BICDL1: variants seen among roughly 807,000 people sequenced by gnomAD.
The protein encoded by BICDL1 is BICD family like cargo adaptor 1, also known as BICD family-like cargo adapter 1.
BICDL1 carries 20 observed loss-of-function variants against 76.8 expected under a neutral mutation model. That is an observed-to-expected ratio of 0.26 (90% CI 0.18 to 0.38). The LOEUF is 0.38. Among genes scored for constraint, BICDL1 ranks in the 10% least tolerant of loss-of-function variants. The probability of loss-of-function intolerance (pLI) is 1.00; values close to 1 mark genes in which losing one functional copy is unlikely to be tolerated. For synonymous variants in BICDL1, 383 were observed against 337.1 expected (o/e 1.14, Z -1.49); for missense variants, 700 against 798.6 (o/e 0.88, Z 1.49).
chr12:120,087,338 G>A (rs550755571), intron 8 of BICDL1, among the ~76,000 whole-genome samples: 1 of 152,376 alleles, frequency 6.6e-6, no homozygotes, highest in Non-Finnish European at 1.5e-5. Flanking sequence ...GAAGGCAGGC[G>A]GGCCGGCGGG....
chr12:120,046,470 C>T (rs994464456), intron 2 of BICDL1, among the ~76,000 whole-genome samples: 1 of 152,218 alleles, frequency 6.6e-6, no homozygotes, highest in Admixed American at 6.5e-5. Flanking sequence ...GTTCCAAACA[C>T]TTTACATATA....
chr12:120,057,008 C>T (rs960727249), intron 2 of BICDL1: 3 of 499,016 alleles, frequency 6.0e-6, no homozygotes, highest in African/African-American at 5.8e-5. Context: ...GGTCCTCTCG[C>T]CCACGCAGGT....
Position 120,019,242 on chromosome 12 carries a change from C to T in BICDL1, c.645+20506C>T, listed in dbSNP as rs964869753. 10 of 151,934 alleles carry T rather than the reference C, an allele frequency of 6.6e-5. 1 individual carries two copies. In the East Asian group the frequency reaches 1.9e-3, roughly 29 times the overall value. 9.4% of individuals were successfully genotyped at this position (151,934 alleles called of 1,614,324 possible). A position where few individuals can be genotyped will look rare whatever the true frequency, so the allele number is the denominator to read the frequency against. The stretch of plus-strand genomic sequence containing the variant: ...AGTTACTGCACTCCAACCTGGGCAT[C>T]ATAGTGAGACTCTGTCTCTTAAAAA... On this transcript the variant is annotated intron_variant, in intron 2 of 9. Coordinates refer to ENST00000548673, the MANE Select transcript of BICDL1 (RefSeq NM_001367886.1).
chr12:119,990,861 A>G (rs1951506625), intron 1 of BICDL1, among the ~76,000 whole-genome samples: 1 of 152,248 alleles, frequency 6.6e-6, no homozygotes, highest in Admixed American at 6.5e-5. Context: ...CCAGGGCTCA[A>G]CATGTGACCG....
chr12:119,991,026 C>T (rs1008532324), intron 1 of BICDL1, among the ~76,000 whole-genome samples: 2 of 152,152 alleles, frequency 1.3e-5, no homozygotes, highest in African/African-American at 2.4e-5. Flanking sequence ...TTAAGGTATC[C>T]GTAATATTTC....
intron 8 of BICDL1, among the ~76,000 whole-genome samples, chr12:120,086,491 G>T (rs1399962581): frequency 1.3e-5 from 2 of 152,138 alleles, no homozygotes; most frequent in Non-Finnish European, 2.9e-5. Flanking sequence ...CACGGGGTGG[G>T]GTCAGTTGGG....
At chr12:120,034,654 C>T (rs914428270) in intron 2 of BICDL1, among the ~76,000 whole-genome samples, 1 of 152,216 alleles carries the variant, frequency 6.6e-6, no homozygotes, top group Non-Finnish European at 1.5e-5. Context: ...GTTCTCTGCT[C>T]AGAGTCTCAC....
chr12:120,000,995 A>C (rs1951748422), intron 2 of BICDL1, among the ~76,000 whole-genome samples: 1 of 152,180 alleles, frequency 6.6e-6, no homozygotes, highest in African/African-American at 2.4e-5. Context: ...TGCTCCTAAA[A>C]GAACGTAGGA....
chr12:120,062,122 C>T (rs1953118443), intron 3 of BICDL1, among the ~76,000 whole-genome samples: 1 of 152,178 alleles, frequency 6.6e-6, no homozygotes, highest in Non-Finnish European at 1.5e-5. Context: ...GGCATCTCGC[C>T]TTTCTCTATT....
chr12:120,043,271 C>T (rs1215813493), intron 2 of BICDL1, among the ~76,000 whole-genome samples: 1 of 152,222 alleles, frequency 6.6e-6, no homozygotes, highest in Non-Finnish European at 1.5e-5. Context: ...AACAGAAGAG[C>T]TTGTCTTCCA....
At chr12:120,059,733 C>A (rs1953062617) in intron 2 of BICDL1, among the ~76,000 whole-genome samples, 1 of 151,640 alleles carries the variant, frequency 6.6e-6, no homozygotes, top group African/African-American at 2.4e-5. Context: ...TTGAGACAGG[C>A]TTTCACACTC....
intron 2 of BICDL1, among the ~76,000 whole-genome samples, chr12:120,004,032 A>G (rs552415771): frequency 2.0e-5 from 3 of 152,330 alleles, no homozygotes; most frequent in Non-Finnish European, 2.9e-5. Flanking sequence ...GGAGGCAGCC[A>G]GAGGTTCTCA....
chr12:120,001,917 A>G (rs1240577939), intron 2 of BICDL1, among the ~76,000 whole-genome samples: 6 of 152,128 alleles, frequency 3.9e-5, no homozygotes, highest in Admixed American at 2.0e-4. Flanking sequence ...CTCCATGTGT[A>G]GTGGTGCATG....
Position 120,093,154 on chromosome 12 carries a change from AAATT to A in BICDL1, c.1860_1863del (p.Lys620AsnfsTer40), listed in dbSNP as rs1380775887. ...AAACGACTCTTCTCATTCTTCAGGA[AAATT>A]TAAGTTGGGAGGAGTCAGGCCACCA... On this transcript the variant is annotated frameshift_variant, in exon 10 of 10. Transcript: ENST00000548673. LOFTEE classifies it high-confidence loss of function. The A allele has an allele frequency of 6.3e-7, 1 of 1,599,600 alleles. No homozygotes were observed. Among genetic ancestry groups the A allele is most frequent in the Admixed American group, 1.8e-5 (1 of 56,732 alleles).
In BICDL1 at chr12:120,061,841, A is replaced by G. The variant is rs576398859; in HGVS notation, c.762+15A>G. On this transcript the variant is annotated intron_variant, in intron 3 of 9. Transcript: ENST00000548673. ...TTCAGGCCGAGGTGAGCCTCCCGAC[A>G]CAGCAGTGCTGGAAGGTGGAGTGCT... The G allele has an allele frequency of 3.9e-5, 61 of 1,583,014 alleles. No individual in the cohort carries two copies. The highest frequency in any genetic ancestry group is 2.5e-4 in the South Asian group (23 of 90,498).
rs758067005 is a variant in BICDL1 at position 120,061,837 on chromosome 12, C to T, written c.762+11C>T. 25 of 1,594,278 alleles carry T rather than the reference C, an allele frequency of 1.6e-5. No homozygotes were observed. The highest frequency in any genetic ancestry group is 4.0e-5 in the African/African-American group (3 of 74,456). On this transcript the variant is annotated intron_variant, in intron 3 of 9. Coordinates refer to ENST00000548673, the MANE Select transcript of BICDL1 (RefSeq NM_001367886.1). ...AGCCTTCAGGCCGAGGTGAGCCTCC[C>T]GACACAGCAGTGCTGGAAGGTGGAG...
At chr12:120,064,701 C>A in intron 3 of BICDL1, 32 bp from the exon 4 acceptor site, 1 of 1,577,968 alleles carries the variant, frequency 6.3e-7, no homozygotes, top group South Asian at 1.2e-5. Context: ...GGTGTAACTC[C>A]ACACCACCCC....
rs577729069 is a variant in BICDL1 at position 120,052,328 on chromosome 12, T to A, written c.646-9382T>A. Reference sequence around the variant, plus strand: ...CTTCCTTTCTCTCTCTCTCTCTCTCTTTCTCTGTTTCTCTTTTTCTTTCAT... The same window carrying A: ...CTTCCTTTCTCTCTCTCTCTCTCTCATTCTCTGTTTCTCTTTTTCTTTCAT... On this transcript the variant is annotated intron_variant, in intron 2 of 9. Transcript: ENST00000548673. Among the ~76,000 whole-genome samples the A allele has an allele frequency of 3.3e-5, 5 of 150,012 alleles. No individual in the cohort carries two copies. In the South Asian group the frequency reaches 1.1e-3, roughly 33 times the overall value.
In BICDL1 at chr12:120,050,352, C is replaced by T. The variant is rs141837205; in HGVS notation, c.646-11358C>T. On this transcript the variant is annotated intron_variant, in intron 2 of 9. Transcript: ENST00000548673. Reference sequence around the variant, plus strand: ...CGTGATCTCGGCTCACTGCAAGCTACACCTCCTGGGTTCACGCCATTCTCC... The same window carrying T: ...CGTGATCTCGGCTCACTGCAAGCTATACCTCCTGGGTTCACGCCATTCTCC... 3.6e-3 allele frequency among the ~76,000 whole-genome samples: 541 copies of T among 149,382 alleles called. 7 individuals carry two copies. Among genetic ancestry groups the T allele is most frequent in the African/African-American group, 0.012 (492 of 40,560 alleles).
Sources: allele counts gnomAD v4.1 joint callset (sites outside exome capture counted in the v4.1 genomes callset), GRCh38; gene constraint gnomAD v4.1.1; transcripts MANE v1.5; gene names NCBI Gene and HGNC (gene_info 2026-07-23, HGNC 2026-07-21).